Variants in SEC14L1 observed in about 807,000 individuals in gnomAD.
SEC14L1 encodes the protein SEC14 like lipid binding 1.
A neutral mutation model predicts 85.3 loss-of-function variants in SEC14L1; 48 were observed. That is an observed-to-expected ratio of 0.56 (90% CI 0.45 to 0.72). The LOEUF (loss-of-function observed/expected upper bound fraction) is 0.72. Among genes scored for constraint, SEC14L1 ranks in the 30% least tolerant of loss-of-function variants. SEC14L1 has a pLI of 0.00. For missense variants in SEC14L1, 682 were observed against 921.4 expected (o/e 0.74, Z 3.36); for synonymous variants, 391 against 355.5 (o/e 1.10, Z -1.12).
chr17:77,091,415 A>T (rs545065651), intron 2 of SEC14L1, among the ~76,000 whole-genome samples: 1 of 152,208 alleles, frequency 6.6e-6, no homozygotes, highest in East Asian at 1.9e-4. Flanking sequence ...TAAGAGGATG[A>T]TACAGACAAA....
intron 14 of SEC14L1, chr17:77,210,273 A>G (rs1270660000): frequency 6.6e-6 from 1 of 152,294 alleles, no homozygotes; most frequent in African/African-American, 2.4e-5. Context: ...TTGGTAGAGA[A>G]GCAAGGGCGT....
intron 2 of SEC14L1, among the ~76,000 whole-genome samples, chr17:77,091,480 A>G (rs1215524861): frequency 6.6e-6 from 1 of 152,246 alleles, no homozygotes; most frequent in Non-Finnish European, 1.5e-5. Flanking sequence ...GCTGTCCAGC[A>G]GCACTTTCTG....
intron 3 of SEC14L1, among the ~76,000 whole-genome samples, chr17:77,174,240 G>A (rs747919380): frequency 1.1e-4 from 16 of 152,008 alleles, no homozygotes; most frequent in Non-Finnish European, 1.8e-4. Context: ...TTCTTTAGAG[G>A]CCCAACCCCC....
intron 3 of SEC14L1, among the ~76,000 whole-genome samples, chr17:77,117,601 G>A (rs1212514810): frequency 1.3e-5 from 2 of 152,182 alleles, no homozygotes; most frequent in African/African-American, 4.8e-5. Flanking sequence ...TCCCCATGGA[G>A]TTGGCCTGTC....
intron 3 of SEC14L1, among the ~76,000 whole-genome samples, chr17:77,180,063 G>GTTATGTT (rs1974951925): frequency 7.0e-6 from 1 of 142,320 alleles, no homozygotes; most frequent in African/African-American, 2.7e-5. Flanking sequence ...GTTATGTTAT[G>GTTATGTT]TTATGTTATG....
At chr17:77,138,966 T>C (rs914379325), upstream of SEC14L1, among the ~76,000 whole-genome samples, 5 of 152,188 alleles carry the variant, frequency 3.3e-5, no homozygotes, top group African/African-American at 1.2e-4. Flanking sequence ...AATTTCCCAA[T>C]CTCTTTTAAT....
At chr17:77,211,647 T>C in intron 14 of SEC14L1, 1 of 398,976 alleles carries the variant, frequency 2.5e-6, no homozygotes, top group Non-Finnish European at 4.7e-6. Flanking sequence ...GAGCTCACAG[T>C]GTTTGGTGTT....
intron 3 of SEC14L1, among the ~76,000 whole-genome samples, chr17:77,185,696 T>A (rs1598362102): frequency 6.6e-6 from 1 of 152,330 alleles, no homozygotes; most frequent in East Asian, 1.9e-4. Context: ...CAGTTTTTTT[T>A]GTTTTTGTTT....
At chr17:77,122,924 A>G (rs1298914630) in intron 3 of SEC14L1, among the ~76,000 whole-genome samples, 1 of 140,410 alleles carries the variant, frequency 7.1e-6, no homozygotes, top group Non-Finnish European at 1.5e-5. Flanking sequence ...CAGCATCCAG[A>G]CAGAGAATCA....
chr17:77,100,426 C>G (rs1242685466), intron 3 of SEC14L1, among the ~76,000 whole-genome samples: 1 of 54,806 alleles, frequency 1.8e-5, no homozygotes, highest in Non-Finnish European at 3.1e-5. Flanking sequence ...CTCTCTCTCT[C>G]TCTTTTTTTT....
intron 3 of SEC14L1, among the ~76,000 whole-genome samples, chr17:77,131,161 G>A (rs1485644317): frequency 6.6e-6 from 1 of 152,200 alleles, no homozygotes; most frequent in Non-Finnish European, 1.5e-5. Flanking sequence ...AGCCTTCAGG[G>A]AGGAGCTACA....
upstream of SEC14L1, among the ~76,000 whole-genome samples, chr17:77,137,098 G>T (rs529355006): frequency 6.6e-6 from 1 of 151,918 alleles, no homozygotes; most frequent in Non-Finnish European, 1.5e-5. Flanking sequence ...TAGTAGAGAC[G>T]GGGTTTCTCC....
chr17:77,171,093 G>A (rs900301904), intron 3 of SEC14L1, among the ~76,000 whole-genome samples: 7 of 152,030 alleles, frequency 4.6e-5, no homozygotes, highest in African/African-American at 1.5e-4. Context: ...CCAAGGGCTT[G>A]CATCTTATTT....
intron 13 of SEC14L1, 68 bp from the exon 14 acceptor site, chr17:77,209,274 G>A (rs547900945): frequency 5.3e-4 from 846 of 1,587,276 alleles, no homozygotes; most frequent in Admixed American, 1.0e-3. Flanking sequence ...AGTGCTGGCC[G>A]GTGTGTCTGG....
At chr17:77,185,750 T>C (rs1227879427) in intron 3 of SEC14L1, among the ~76,000 whole-genome samples, 1 of 152,222 alleles carries the variant, frequency 6.6e-6, no homozygotes, top group African/African-American at 2.4e-5. Flanking sequence ...TGGTTTTCAG[T>C]GTCCGTATAG....
intron 7 of SEC14L1, among the ~76,000 whole-genome samples, chr17:77,195,902 A>G (rs1419104541): frequency 6.6e-6 from 1 of 152,198 alleles, no homozygotes; most frequent in Non-Finnish European, 1.5e-5. Flanking sequence ...CTTGGAATTA[A>G]AACAGTCATT....
intron 2 of SEC14L1, among the ~76,000 whole-genome samples, chr17:77,092,405 C>T (rs770612321): frequency 6.6e-6 from 1 of 151,944 alleles, no homozygotes; most frequent in Non-Finnish European, 1.5e-5. Context: ...GGGACCCTCT[C>T]GGGGAAGTAA....
intron 3 of SEC14L1, among the ~76,000 whole-genome samples, chr17:77,100,220 T>G (rs1469458334): frequency 6.6e-6 from 1 of 152,186 alleles, no homozygotes; most frequent in African/African-American, 2.4e-5. Flanking sequence ...TGGACTGACT[T>G]CTGCCTATTC....
At chr17:77,143,540 C>T (rs2048697212) in intron 2 of SEC14L1, 27 bp from the exon 3 acceptor site, 14 of 1,412,636 alleles carry the variant, frequency 9.9e-6, no homozygotes, top group Non-Finnish European at 1.3e-5. Context: ...ATTGTGGTTA[C>T]TTATCACATA....
Sources: allele counts gnomAD v4.1 joint callset (sites outside exome capture counted in the v4.1 genomes callset), GRCh38; gene constraint gnomAD v4.1.1; transcripts MANE v1.5; gene names NCBI Gene and HGNC (gene_info 2026-07-23, HGNC 2026-07-21).